The following TRAF7 variants were observed in gnomAD, a reference collection of about 807,000 sequenced individuals.
The protein encoded by TRAF7 is E3 ubiquitin-protein ligase TRAF7.
In TRAF7, 45 loss-of-function variants were observed where a neutral mutation model predicts 89.3. That is an observed-to-expected ratio of 0.50 (90% CI 0.40 to 0.65). The LOEUF is 0.65. Ranked by LOEUF, TRAF7 falls within the 30% of genes least tolerant of loss-of-function variation. The pLI is 0.00. For missense variants in TRAF7, 677 were observed against 918.1 expected, an observed-to-expected ratio of 0.74 and a Z score of 3.39; for synonymous variants, 406 against 369.2, an observed-to-expected ratio of 1.10 and a Z score of -1.14.
intron 1 of TRAF7, among the ~76,000 whole-genome samples, chr16:2,160,816 T>C (rs1465452602): frequency 6.6e-6 from 1 of 151,986 alleles, no homozygotes; most frequent in African/African-American, 2.4e-5. Flanking sequence ...CCAGCCTCGA[T>C]GACTGTGGGG....
At chr16:2,173,857 G>GCGGGGGGGGGCCCC in intron 12 of TRAF7, 21 bp downstream of exon 12, 2 of 1,607,478 alleles carry the variant, frequency 1.2e-6, no homozygotes, top group Non-Finnish European at 1.7e-6. Flanking sequence ...ACCCGCCGTG[G>GCGGGGGGGGGCCCC]CTCCCGCCCA....
At position 2,177,109 on chromosome 16, in the gene TRAF7, C is replaced by A; in HGVS notation, c.*535C>A. The stretch of plus-strand genomic sequence containing the variant: ...CCCTCCCTGCTAGGAGGCAACTCGT[C>A]ACACCCAAGCTGCTGGCCTCCAGTC... On this transcript the variant is annotated 3_prime_UTR_variant, in exon 21 of 21. Coordinates refer to ENST00000326181, the MANE Select transcript of TRAF7 (RefSeq NM_032271.3). The A allele has an allele frequency of 3.7e-6, 1 of 268,984 alleles. No individual in the cohort carries two copies. The highest frequency in any genetic ancestry group is 7.2e-6 in the Non-Finnish European group (1 of 138,524). 16.7% of individuals were successfully genotyped at this position (268,984 alleles called of 1,614,324 possible).
rs976642139 is a variant in TRAF7 at position 2,176,546 on chromosome 16, C to T, written c.1999-14C>T. ...GCCGCAGGACATCCTGGTGAAGCAG[C>T]CCTTTCTCTGCAGGTTTGGACTTGC... On this transcript the variant is annotated splice_polypyrimidine_tract_variant and intron_variant, in intron 20 of 20. Transcript: ENST00000326181. 2 of 1,613,226 alleles carry T rather than the reference C, an allele frequency of 1.2e-6. No individual in the cohort carries two copies. The highest frequency in any genetic ancestry group is 1.7e-5 in the Admixed American group (1 of 60,002).
rs1213556845 is a variant in TRAF7 at position 2,164,446 on chromosome 16, T to G, written c.81+445T>G. 3.7e-5 allele frequency among the ~76,000 whole-genome samples: 5 copies of G among 135,634 alleles called. No homozygotes were observed. In the East Asian group the frequency reaches 9.3e-4, roughly 25 times the overall value. 89.0% of individuals were successfully genotyped at this position (135,634 alleles called of 152,430 possible). A position where few individuals can be genotyped will look rare whatever the true frequency, so the allele number is the denominator to read the frequency against. On this transcript the variant is annotated intron_variant, in intron 2 of 20. Coordinates refer to ENST00000326181, the MANE Select transcript of TRAF7 (RefSeq NM_032271.3). ...GCGTGGCCTGGCCTGGTCGCATGGT[T>G]AAGCGTGTTAGTGCTGCGTGGCCTG...
chr16:2,166,789 A>G (rs78630445), intron 3 of TRAF7, among the ~76,000 whole-genome samples: 1 of 152,236 alleles, frequency 6.6e-6, no homozygotes, highest in African/African-American at 2.4e-5. Flanking sequence ...CCTATCCCCT[A>G]AAAACCAGAG....
At chr16:2,160,142 G>A (rs1472734751) in intron 1 of TRAF7, among the ~76,000 whole-genome samples, 2 of 152,062 alleles carry the variant, frequency 1.3e-5, no homozygotes, top group African/African-American at 2.4e-5. Flanking sequence ...CCAGGGCCCC[G>A]GAATCCCTCC....
rs1163060769 is a variant in TRAF7 at position 2,161,439 on chromosome 16, C to T, written c.-38-2444C>T. Among the ~76,000 whole-genome samples the T allele has an allele frequency of 2.0e-5, 3 of 152,106 alleles. No individual in the cohort carries two copies. The highest frequency in any genetic ancestry group is 7.2e-5 in the African/African-American group (3 of 41,414). ...AGGGGGAAGCCAGACAGTTGCTCTC[C>T]CAGACTGTGAGCAACAGGCACTGAG... On this transcript the variant is annotated intron_variant, in intron 1 of 20. Transcript: ENST00000326181. This position sits in a 1 kb window ranked among gnomAD's most constrained non-coding sequence, Gnocchi z 5.2.
At position 2,168,293 on chromosome 16, in the gene TRAF7, T is replaced by G; in HGVS notation, c.231+125T>G. On this transcript the variant is annotated intron_variant, in intron 4 of 20. Coordinates refer to ENST00000326181, the MANE Select transcript of TRAF7 (RefSeq NM_032271.3). The surrounding 1 kb of genome is among the most constrained non-coding windows in gnomAD (Gnocchi z 4.1). ...AGGCACAGGAGAAGAAGAGCACCTG[T>G]GGATACCCTGAGGCCTCGGCAGACA... 1.3e-6 allele frequency: 1 copy of G among 751,282 alleles called. No individual in the cohort carries two copies. Among genetic ancestry groups the G allele is most frequent in the Non-Finnish European group, 2.1e-6 (1 of 471,114 alleles). 46.5% of individuals were successfully genotyped at this position (751,282 alleles called of 1,614,324 possible).
At chr16:2,170,783 G>A (rs1038154957) in intron 5 of TRAF7, 53 bp downstream of exon 5, 30 of 1,492,914 alleles carry the variant, frequency 2.0e-5, no homozygotes, top group South Asian at 1.3e-4. Context: ...CACCGCAGCC[G>A]TGGCACGGAG....
chr16:2,164,164 G>GCGCGCGCGCGCACGCGCA (rs2093070051), intron 2 of TRAF7, among the ~76,000 whole-genome samples, 163 bp downstream of exon 2: 2 of 83,566 alleles, frequency 2.4e-5, no homozygotes, highest in African/African-American at 6.1e-5. Context: ...GTGTGTGCGC[G>GCGCGCGCGCGCACGCGCA]CGCGCGCGCG....
chr16:2,171,823 C>CAGG (rs1220455786), intron 7 of TRAF7, among the ~76,000 whole-genome samples: 5 of 152,212 alleles, frequency 3.3e-5, no homozygotes, highest in African/African-American at 1.2e-4. Context: ...TGTCCAGACT[C>CAGG]AGAGACCCCA....
At chr16:2,172,900 A>C (rs1458853704) in intron 9 of TRAF7, among the ~76,000 whole-genome samples, 1 of 151,872 alleles carries the variant, frequency 6.6e-6, no homozygotes. Flanking sequence ...CCAGTTCTTC[A>C]GGGCAGGGAG....
intron 12 of TRAF7, 21 bp downstream of exon 12, chr16:2,173,857 G>GCCCCCCCCCCCCCC: frequency 6.2e-7 from 1 of 1,607,512 alleles, no homozygotes; most frequent in South Asian, 1.1e-5. Context: ...ACCCGCCGTG[G>GCCCCCCCCCCCCCC]CTCCCGCCCA....
Position 2,168,203 on chromosome 16 carries a change from C to T in TRAF7, c.231+35C>T, listed in dbSNP as rs2093094640. On this transcript the variant is annotated intron_variant, in intron 4 of 20. Coordinates refer to ENST00000326181, the MANE Select transcript of TRAF7 (RefSeq NM_032271.3). This position sits in a 1 kb window ranked among gnomAD's most constrained non-coding sequence, Gnocchi z 4.1. ...TACCCCCAGGAGCCCGTGTGAGCCT[C>T]AGCCTCCCCCCATCCTCCCTCCTGG... 6.4e-7 allele frequency: 1 copy of T among 1,560,570 alleles called. No individual in the cohort carries two copies. Among genetic ancestry groups the T allele is most frequent in the Admixed American group, 1.8e-5 (1 of 55,248 alleles).
chr16:2,165,070 G>C (rs1363766809), intron 2 of TRAF7, among the ~76,000 whole-genome samples: 2 of 119,372 alleles, frequency 1.7e-5, no homozygotes, highest in African/African-American at 8.5e-5. Flanking sequence ...TGAAGCGTGT[G>C]AGTGCTGCAT....
chr16:2,163,614 G>T lies in TRAF7; in HGVS notation c.-38-269G>T. The T allele has an allele frequency of 2.3e-6, 1 of 426,940 alleles. No individual in the cohort carries two copies. The highest frequency in any genetic ancestry group is 4.3e-6 in the Non-Finnish European group (1 of 229,924). The allele number at this position is 426,940 out of a possible 1,614,324, so 26.4% of individuals were successfully genotyped here. The stretch of plus-strand genomic sequence containing the variant: ...AGGGGTCCCTCCACCTCGGGGAAGA[G>T]CTGGATGGGCTCTTCGGGAGCTCAG... On this transcript the variant is annotated intron_variant, in intron 1 of 20. Coordinates refer to ENST00000326181, the MANE Select transcript of TRAF7 (RefSeq NM_032271.3). The surrounding 1 kb of genome is among the most constrained non-coding windows in gnomAD (Gnocchi z 4.3).
At chr16:2,171,701 G>C in intron 7 of TRAF7, 96 bp downstream of exon 7, 1 of 1,572,826 alleles carries the variant, frequency 6.4e-7, no homozygotes, top group Non-Finnish European at 8.7e-7. Context: ...CACAGCGTCC[G>C]GCCCTGTTTG....
Position 2,176,657 on chromosome 16 carries a change from G to T in TRAF7, c.*83G>T, listed in dbSNP as rs2093138313. 6.2e-7 allele frequency: 1 copy of T among 1,604,936 alleles called. No homozygotes were observed. The highest frequency in any genetic ancestry group is 1.3e-5 in the African/African-American group (1 of 74,748). ...GGCTGGCCACATGGGGTGGTCTCGG[G>T]GTTTCTGCCTGCCCCGTGGGCATAG... On this transcript the variant is annotated 3_prime_UTR_variant, in exon 21 of 21. Coordinates refer to ENST00000326181, the MANE Select transcript of TRAF7 (RefSeq NM_032271.3).
Position 2,158,533 on chromosome 16 carries a change from C to T in TRAF7, c.-39+2675C>T, listed in dbSNP as rs1005307892. On this transcript the variant is annotated intron_variant, in intron 1 of 20. Transcript: ENST00000326181. This position sits in a 1 kb window ranked among gnomAD's most constrained non-coding sequence, Gnocchi z 4.7. ...AGGGCCAGGACTGAGGGCCGTGGGA[C>T]GGTGTGGGAAAGGAGGTGGCAGTGC... 1.3e-5 allele frequency among the ~76,000 whole-genome samples: 2 copies of T among 152,260 alleles called. No homozygotes were observed. Among genetic ancestry groups the T allele is most frequent in the Admixed American group, 6.5e-5 (1 of 15,294 alleles).
Sources: gnomAD v4.1 joint callset for allele counts (sites outside exome capture counted in the v4.1 genomes callset) on GRCh38, gnomAD v4.1.1 for gene constraint, Gnocchi (gnomAD v3.1) non-coding constraint, MANE v1.5 for transcripts, NCBI Gene and HGNC (gene_info 2026-07-23, HGNC 2026-07-21) for gene names.